The following BRCA2 variants were observed in gnomAD, a reference collection of about 807,000 sequenced individuals.
BRCA2 encodes BRCA2 DNA repair associated, also known as breast cancer type 2 susceptibility protein.
BRCA2 carries 203 observed loss-of-function variants against 276.7 expected under a neutral mutation model. The observed-to-expected ratio is 0.73, with a 90% CI of 0.65 to 0.82. The LOEUF is 0.82. Among genes scored for constraint, BRCA2 ranks in the 40% least tolerant of loss-of-function variants. The pLI, the probability that BRCA2 is intolerant of heterozygous loss-of-function variation, is 0.00. For synonymous variants in BRCA2, 1,289 were observed against 1,338.4 expected (o/e 0.96, Z 0.81); for missense variants, 3,920 against 3,915.0 (o/e 1.00, Z -0.03).
intron 24 of BRCA2, among the ~76,000 whole-genome samples, chr13:32,382,813 A>T (rs2072932929): frequency 6.6e-6 from 1 of 152,232 alleles, no homozygotes; most frequent in Non-Finnish European, 1.5e-5. Context: ...AAAATGCAAG[A>T]TGGAAGCAAA....
chr13:32,347,256 T>C (rs2072618237), intron 13 of BRCA2, among the ~76,000 whole-genome samples: 1 of 152,150 alleles, frequency 6.6e-6, no homozygotes, highest in Non-Finnish European at 1.5e-5. Context: ...AGATAGTTTT[T>C]TTAATGTATA....
chr13:32,371,625 A>C (rs1479478957), intron 20 of BRCA2, among the ~76,000 whole-genome samples: 1 of 152,088 alleles, frequency 6.6e-6, no homozygotes, highest in Non-Finnish European at 1.5e-5. Context: ...TTCTATAGTT[A>C]TCTGCAGAAA....
intron 15 of BRCA2, among the ~76,000 whole-genome samples, chr13:32,357,066 A>G (rs1419817486): frequency 6.6e-6 from 1 of 152,212 alleles, no homozygotes; most frequent in Non-Finnish European, 1.5e-5. Context: ...AGCATTTTCT[A>G]GGTGTAAGAT....
At chr13:32,386,340 G>GGAGGTTGCAGTGAAAT (rs2072960410) in intron 24 of BRCA2, among the ~76,000 whole-genome samples, 1 of 152,090 alleles carries the variant, frequency 6.6e-6, no homozygotes, top group African/African-American at 2.4e-5. Flanking sequence ...CCTGGGAAGC[G>GGAGGTTGCAGTGAAAT]GAGGTTGCAG....
rs2137581441 is a variant in BRCA2, at chr13:32,363,378, T to A, written c.8176T>A (p.Tyr2726Asn). 1 of 1,614,182 alleles carries A rather than the reference T, an allele frequency of 6.2e-7. No homozygotes were observed. Among genetic ancestry groups the A allele is most frequent in the Non-Finnish European group, 8.5e-7 (1 of 1,180,018 alleles). The change falls in exon 18 of 27, where the codon TAT (tyrosine) becomes AAT (asparagine). Residue 2726 changes from tyrosine to asparagine, a missense_variant. Physicochemically the swap from Tyr to Asn is moderately radical, Grantham distance 143. Transcript: ENST00000380152. ...VAIIELTDGWYAVKAQLDPPL... is the reference protein window; with the variant it reads ...VAIIELTDGWNAVKAQLDPPL... ...CATTATTGAACTTACAGATGGGTGG[T>A]ATGCTGTTAAGGCCCAGTTAGATCC... is the stretch of plus-strand genomic sequence containing the variant.
rs1732617661 is a variant in BRCA2, at chr13:32,398,777, G to A, written c.*7G>A. The A allele has an allele frequency of 6.2e-7, 1 of 1,613,062 alleles. No individual in the cohort carries two copies. Among genetic ancestry groups the A allele is most frequent in the Admixed American group, 1.7e-5 (1 of 59,910 alleles). On this transcript the variant is annotated 3_prime_UTR_variant, in exon 27 of 27. Coordinates refer to ENST00000380152, the MANE Select transcript of BRCA2 (RefSeq NM_000059.4). ...AACTAAAAAATATATCTAAGCATTT[G>A]CAAAGGCGACAATAAATTATTGACG...
At chr13:32,370,891 C>A (rs2137599323) in intron 19 of BRCA2, 65 bp from the exon 20 acceptor site, 1 of 1,595,162 alleles carries the variant, frequency 6.3e-7, no homozygotes, top group Non-Finnish European at 8.6e-7. Flanking sequence ...CTGTGCCTGG[C>A]CTGATACAAT....
intron 2 of BRCA2, among the ~76,000 whole-genome samples, chr13:32,318,451 T>A (rs2072279196): frequency 1.3e-5 from 2 of 152,100 alleles, no homozygotes; most frequent in Non-Finnish European, 1.5e-5. Flanking sequence ...TTTTTTTTTT[T>A]TCTTTTTTGA....
At position 32,337,945 on chromosome 13, in the gene BRCA2, A is replaced by G; in HGVS notation, c.3590A>G (p.Lys1197Arg). 1 of 1,614,132 alleles carries G rather than the reference A, an allele frequency of 6.2e-7. No individual in the cohort carries two copies. The highest frequency in any genetic ancestry group is 1.1e-5 in the South Asian group (1 of 91,082). The change falls in exon 11 of 27, where the codon AAA becomes AGA. Residue 1197 changes from lysine (K) to arginine (R), a missense_variant. Physicochemically the swap from Lys to Arg is conservative, Grantham distance 26 (BLOSUM62 2). Around this residue, in one of 2 missense-constraint regions of BRCA2, gnomAD observed 3,263 missense variants for 3,156.9 expected, o/e 1.03. Transcript: ENST00000380152. The part of the protein sequence containing the change: ...EIKRKFAGLL[K>R]NDCNKSASGY... Reference sequence around the variant, plus strand: ...AAACGGAAGTTTGCTGGCCTGTTGAAAAATGACTGTAACAAAAGTGCTTCT... The same window carrying G: ...AAACGGAAGTTTGCTGGCCTGTTGAGAAATGACTGTAACAAAAGTGCTTCT...
Position 32,337,774 on chromosome 13 carries a change from G to C in BRCA2, c.3419G>C (p.Ser1140Thr), listed in dbSNP as rs80358585. 6.2e-7 allele frequency: 1 copy of C among 1,613,900 alleles called. No individual in the cohort carries two copies. ...FRKPSYILQK[S>T]TFEVPENQMT... Reference sequence around the variant, plus strand: ...AAACCAAGCTACATATTGCAGAAGAGTACATTTGAAGTGCCTGAAAACCAG... The same window carrying C: ...AAACCAAGCTACATATTGCAGAAGACTACATTTGAAGTGCCTGAAAACCAG... The change falls in exon 11 of 27, where the codon AGT becomes ACT. Residue 1140 changes from serine (S) to threonine (T), a missense_variant. By Grantham distance (58) the Ser-to-Thr change is moderately conservative. Around this residue, in one of 2 missense-constraint regions of BRCA2, gnomAD observed 3,263 missense variants for 3,156.9 expected, o/e 1.03. Transcript: ENST00000380152.
upstream of BRCA2, chr13:32,315,426 G>GGTGGTGCGT (rs762246664): frequency 4.6e-5 from 7 of 152,260 alleles, no homozygotes; most frequent in Admixed American, 2.0e-4. Flanking sequence ...CTGACTTCCG[G>GGTGGTGCGT]GTGGTGCGTG....
chr13:32,342,623 A>G (rs2072580413), intron 11 of BRCA2, among the ~76,000 whole-genome samples: 1 of 152,232 alleles, frequency 6.6e-6, no homozygotes, highest in African/African-American at 2.4e-5. Flanking sequence ...GCTGTATGGT[A>G]TAGCTTATTG....
intron 11 of BRCA2, among the ~76,000 whole-genome samples, chr13:32,343,704 C>G (rs563178842): frequency 1.4e-5 from 2 of 141,600 alleles, no homozygotes; most frequent in Non-Finnish European, 3.1e-5. Context: ...GACTTTCCAC[C>G]TAGGGAAAAA....
rs80359479 is a variant in BRCA2, at chr13:32,339,421, CA to C, written c.5073del (p.Lys1691AsnfsTer15). On this transcript the variant is annotated frameshift_variant, in exon 11 of 27. Transcript: ENST00000380152. LOFTEE classifies it high-confidence loss of function. ...TSVSQTSLLE[A>X]KKWLREGIFD... ...GTGAGTCAGACTTCATTACTTGAAG[CA>C]AAAAAATGGCTTAGAGAAGGAATAT... is the stretch of plus-strand genomic sequence containing the variant. 8 of 1,589,566 alleles carry C rather than the reference CA, an allele frequency of 5.0e-6. No homozygotes were observed. Among genetic ancestry groups the C allele is most frequent in the Admixed American group, 3.6e-5 (2 of 54,886 alleles).
At chr13:32,395,960 CTTTTTTTTTTTT>C (rs397838402) in intron 25 of BRCA2, 3 of 79,200 alleles carry the variant, frequency 3.8e-5, no homozygotes, top group Middle Eastern at 6.3e-3. Flanking sequence ...TTCTTTCTTT[CTTTTTTTTTTTT>C]TTTTTTTTTT....
intron 1 of BRCA2, 81 bp from the exon 2 acceptor site, chr13:32,316,340 TC>T (rs2072258570): frequency 2.3e-6 from 2 of 875,756 alleles, no homozygotes; most frequent in Non-Finnish European, 3.8e-6. Flanking sequence ...AAACAAATTT[TC>T]CAGCGCTTCT....
chr13:32,358,029 A>G (rs1305109386), intron 16 of BRCA2, 100 bp downstream of exon 16: 5 of 1,285,370 alleles, frequency 3.9e-6, no homozygotes, highest in Non-Finnish European at 4.4e-6. Context: ...GCTAGAAATC[A>G]AATTTTTATG....
rs28897701 is a variant in BRCA2 at position 32,319,232 on chromosome 13, G to C, written c.223G>C (p.Ala75Pro). Residue 75 changes from alanine (A) to proline (P), a missense_variant, in exon 3 of 27, where the codon GCT becomes CCT. Around this residue, in one of 2 missense-constraint regions of BRCA2, gnomAD observed 3,263 missense variants for 3,156.9 expected, o/e 1.03. Coordinates refer to ENST00000380152, the MANE Select transcript of BRCA2 (RefSeq NM_000059.4). ...AAGGAAACCATCTTATAATCAGCTG[G>C]CTTCAACTCCAATAATATTCAAAGA... ...PQRKPSYNQL[A>P]STPIIFKEQG... 541 of 1,613,598 alleles carry C rather than the reference G, an allele frequency of 3.4e-4. 1 individual carries two copies. Among genetic ancestry groups the C allele is most frequent in the Admixed American group, 6.5e-4 (39 of 60,010 alleles).
Position 32,336,579 on chromosome 13 carries a change from C to T in BRCA2, c.2224C>T (p.Gln742Ter), listed in dbSNP as rs80358494. The change falls in exon 11 of 27, where the codon CAA (glutamine) becomes TAA (stop). Residue 742 changes from glutamine to a stop codon, truncating the protein, a stop_gained. Transcript: ENST00000380152. LOFTEE classifies it high-confidence loss of function. ...CTTGGCTGCAGCATGTCACCCAGTA[C>T]AACATTCAAAAGTGGAATACAGTGA... ...EVLAAACHPVQHSKVEYSDTD... is the reference protein window; with the variant it reads ...EVLAAACHPV 1.2e-6 allele frequency: 2 copies of T among 1,613,872 alleles called. No homozygotes were observed. The highest frequency in any genetic ancestry group is 3.3e-5 in the Admixed American group (2 of 59,980).
Sources: gnomAD v4.1 joint callset for allele counts (sites outside exome capture counted in the v4.1 genomes callset) on GRCh38, gnomAD v4.1.1 for gene constraint, gnomAD v4.1.1 regional missense constraint, MANE v1.5 for transcripts, NCBI Gene and HGNC (gene_info 2026-07-23, HGNC 2026-07-21) for gene names.